Variants in USP37 observed in about 807,000 individuals in gnomAD.
The protein encoded by USP37 is ubiquitin carboxyl-terminal hydrolase 37.
Under a neutral mutation model 124.0 loss-of-function variants are expected in USP37, and 27 were observed. The observed-to-expected ratio is 0.22, with a 90% CI of 0.16 to 0.30. The LOEUF is 0.30. Among genes scored for constraint, USP37 ranks in the 10% least tolerant of loss-of-function variants. The pLI is 1.00. For missense variants in USP37, 889 were observed against 1,140.4 expected (o/e 0.78, Z 3.17); for synonymous variants, 365 against 388.0 (o/e 0.94, Z 0.70).
chr2:218,536,090 A>C (rs1210317782), intron 8 of USP37, among the ~76,000 whole-genome samples: 3 of 152,016 alleles, frequency 2.0e-5, no homozygotes, highest in Non-Finnish European at 4.4e-5. Context: ...ATGAATAGCA[A>C]TACTATTTGC....
chr2:218,520,593 C>T (rs950815914), intron 10 of USP37, among the ~76,000 whole-genome samples: 15 of 152,068 alleles, frequency 9.9e-5, no homozygotes, highest in Admixed American at 9.2e-4. Flanking sequence ...CTCGGGTGAT[C>T]GGCCCACCAC....
Position 218,467,636 on chromosome 2 carries a change from C to T in USP37, c.2300-1460G>A, listed in dbSNP as rs369592656. Among the ~76,000 whole-genome samples the T allele has an allele frequency of 2.6e-4, 39 of 152,140 alleles. No homozygotes were observed. The East Asian group carries it at 2.9e-3, about 11-fold the overall frequency. ...TGCTGGGATTACAGGCGTGAGCCAC[C>T]GTGCCTGGCCTAATTTTTGTATTTT... On this transcript the variant is annotated intron_variant, in intron 20 of 25. Transcript: ENST00000258399.
rs1301994682 is a variant in USP37, at chr2:218,516,775, G to A, written c.864-6635C>T. On this transcript the variant is annotated intron_variant, in intron 10 of 25. Coordinates refer to ENST00000258399, the MANE Select transcript of USP37 (RefSeq NM_020935.3). ...AGTTACTTGGGTGCAATTGCTTCAA[G>A]GTACCCCCCCTAGTGGACTGAGCTA... Among the ~76,000 whole-genome samples the A allele has an allele frequency of 2.0e-5, 3 of 151,650 alleles. No individual in the cohort carries two copies. In the East Asian group the frequency reaches 5.9e-4, roughly 30 times the overall value.
rs577676287 is a variant in USP37, at chr2:218,543,374, C to T, written c.680+2847G>A. Among the ~76,000 whole-genome samples the T allele has an allele frequency of 1.1e-4, 16 of 151,782 alleles. No homozygotes were observed. In the South Asian group the frequency reaches 1.7e-3, roughly 16 times the overall value. ...AAAATTAGCCAGGCATGGTGGTGCA[C>T]GCCTGTAATCCCAGCTACTTGGGAA... On this transcript the variant is annotated intron_variant, in intron 8 of 25. Transcript: ENST00000258399.
intron 10 of USP37, among the ~76,000 whole-genome samples, chr2:218,523,126 A>ATTT (rs1273147861): frequency 6.6e-6 from 1 of 152,150 alleles, no homozygotes; most frequent in Non-Finnish European, 1.5e-5. Context: ...AAATACAAAA[A>ATTT]TTAGCAGGCG....
At chr2:218,502,347 G>A (rs1417595821) in intron 11 of USP37, among the ~76,000 whole-genome samples, 2 of 152,034 alleles carry the variant, frequency 1.3e-5, no homozygotes, top group Non-Finnish European at 2.9e-5. Context: ...CACTTGATGC[G>A]ATTAATAGCA....
chr2:218,526,760 A>G (rs1156702981), intron 10 of USP37, among the ~76,000 whole-genome samples: 2 of 149,858 alleles, frequency 1.3e-5, no homozygotes, highest in African/African-American at 4.9e-5. Flanking sequence ...CAAGAAGACC[A>G]ACGTAAGTTT....
chr2:218,557,930 C>CAAAAAAAAAAAAAAAAAAAAA (rs61488353), intron 4 of USP37, among the ~76,000 whole-genome samples: 14 of 35,658 alleles, frequency 3.9e-4, no homozygotes, highest in Non-Finnish European at 4.2e-4. Context: ...GACTCTGTCT[C>CAAAAAAAAAAAAAAAAAAAAA]AAAAAAAAAA....
Position 218,452,154 on chromosome 2 carries a change from T to C in USP37, c.*2776A>G, listed in dbSNP as rs1276888942. On this transcript the variant is annotated 3_prime_UTR_variant, in exon 26 of 26. Coordinates refer to ENST00000258399, the MANE Select transcript of USP37 (RefSeq NM_020935.3). The stretch of plus-strand genomic sequence containing the variant: ...TAAAATTCCAACAAAGATCAAAAGG[T>C]TGTATCTAGAACTAATTGCCATCAA... 6.6e-6 allele frequency: 1 copy of C among 152,170 alleles called. No homozygotes were observed. The highest frequency in any genetic ancestry group is 1.9e-4 in the East Asian group (1 of 5,204). The allele number at this position is 152,170 out of a possible 1,614,324, so 9.4% of individuals were successfully genotyped here. A position where few individuals can be genotyped will look rare whatever the true frequency, so the allele number is the denominator to read the frequency against.
chr2:218,510,006 G>T lies in USP37; in HGVS notation c.998C>A (p.Ser333Tyr). Residue 333 changes from serine to tyrosine, a missense_variant, in exon 11 of 26, where the codon TCC becomes TAC. Physicochemically the swap from Ser to Tyr is moderately radical, Grantham distance 144. Coordinates refer to ENST00000258399, the MANE Select transcript of USP37 (RefSeq NM_020935.3). ...CTGCAGTTGCTGCTGTTGGTGAGAG[G>T]AAAGGGGCACTCTTGGTTTATTCCA... Reference protein sequence around the residue: ...TGWNKPRVPLSSHQQQQLQGF... With the variant: ...TGWNKPRVPLYSHQQQQLQGF... 6.3e-7 allele frequency: 1 copy of T among 1,588,364 alleles called. No homozygotes were observed. Among genetic ancestry groups the T allele is most frequent in the Non-Finnish European group, 8.6e-7 (1 of 1,162,712 alleles).
At chr2:218,489,392 A>C (rs753375820) in intron 14 of USP37, among the ~76,000 whole-genome samples, 13 of 151,712 alleles carry the variant, frequency 8.6e-5, no homozygotes, top group Non-Finnish European at 1.8e-4. Flanking sequence ...AAAAAAAGAA[A>C]GAAACAGAAC....
intron 8 of USP37, among the ~76,000 whole-genome samples, chr2:218,540,196 T>G (rs1413722500): frequency 6.6e-6 from 1 of 152,138 alleles, no homozygotes; most frequent in African/African-American, 2.4e-5. Flanking sequence ...GTTGGTCTGA[T>G]AACCAAGATG....
At chr2:218,460,429 T>C (rs956156814) in intron 22 of USP37, among the ~76,000 whole-genome samples, 2 of 152,118 alleles carry the variant, frequency 1.3e-5, no homozygotes, top group Non-Finnish European at 2.9e-5. Flanking sequence ...AAAGAAACGC[T>C]CTTTTTCTTT....
Position 218,455,064 on chromosome 2 carries a change from G to A in USP37, c.2853-47C>T, listed in dbSNP as rs1467874809. On this transcript the variant is annotated intron_variant, in intron 25 of 25. Transcript: ENST00000258399. ...AATAAAACTGGAAATTTAGTAAGCAGAACCAAAGAATAGGCAGGAGAAAAA... is the reference window on the plus strand; with the variant it reads ...AATAAAACTGGAAATTTAGTAAGCAAAACCAAAGAATAGGCAGGAGAAAAA... The A allele has an allele frequency of 3.1e-6, 5 of 1,606,134 alleles. No homozygotes were observed. In the South Asian group the frequency reaches 4.4e-5, roughly 14 times the overall value.
intron 21 of USP37, among the ~76,000 whole-genome samples, chr2:218,463,990 G>A (rs910060923): frequency 1.3e-5 from 2 of 149,864 alleles, no homozygotes; most frequent in Admixed American, 1.3e-4. Flanking sequence ...CGGGTGGCTG[G>A]GACTACAGGT....
chr2:218,543,741 G>C (rs146797082), intron 8 of USP37, among the ~76,000 whole-genome samples: 2,111 of 152,128 alleles, frequency 0.014, 39 homozygotes, highest in African/African-American at 0.048. Flanking sequence ...AGGAGGCAGA[G>C]CTTGCAGTGA....
chr2:218,547,196 G>A (rs1050917744), intron 6 of USP37, 105 bp from the exon 7 acceptor site: 3 of 1,217,094 alleles, frequency 2.5e-6, no homozygotes, highest in South Asian at 1.6e-5. Flanking sequence ...ATGGAGCCAG[G>A]TGCGATGGCT....
intron 20 of USP37, among the ~76,000 whole-genome samples, chr2:218,472,292 G>T (rs1226933959): frequency 1.3e-5 from 2 of 152,048 alleles, no homozygotes; most frequent in Non-Finnish European, 2.9e-5. Context: ...ACTGTGAAGA[G>T]GTCTACACAA....
At chr2:218,552,446 G>A (rs1303807519) in intron 5 of USP37, among the ~76,000 whole-genome samples, 1 of 152,042 alleles carries the variant, frequency 6.6e-6, no homozygotes, top group Non-Finnish European at 1.5e-5. Flanking sequence ...GCCAGGCAGT[G>A]GCTCACACCT....
Sources: allele counts gnomAD v4.1 joint callset (sites outside exome capture counted in the v4.1 genomes callset), GRCh38; gene constraint gnomAD v4.1.1; transcripts MANE v1.5; gene names NCBI Gene and HGNC (gene_info 2026-07-23, HGNC 2026-07-21).